LEPR: variants seen among roughly 807,000 people sequenced by gnomAD.
LEPR encodes OB receptor.
A neutral mutation model predicts 114.7 loss-of-function variants in LEPR; 56 were observed. The ratio of observed to expected loss-of-function variants is 0.49; its 90% CI spans 0.39 to 0.61. The LOEUF (loss-of-function observed/expected upper bound fraction) is 0.61, where lower values mean the gene tolerates loss of function less well. Among genes scored for constraint, LEPR ranks in the 20% least tolerant of loss-of-function variants. LEPR has a pLI of 0.00. For synonymous variants in LEPR, 443 were observed against 461.4 expected, an observed-to-expected ratio of 0.96 and a Z score of 0.51; for missense variants, 1,202 against 1,352.9, an observed-to-expected ratio of 0.89 and a Z score of 1.75.
intron 2 of LEPR, among the ~76,000 whole-genome samples, chr1:65,513,207 T>C (rs1379859175): frequency 6.6e-6 from 1 of 152,226 alleles, no homozygotes; most frequent in Non-Finnish European, 1.5e-5. Flanking sequence ...GCCAGCATGC[T>C]GTAACTGGTA....
chr1:65,531,791 T>G (rs1051346379), intron 2 of LEPR, among the ~76,000 whole-genome samples: 5 of 152,162 alleles, frequency 3.3e-5, no homozygotes, highest in African/African-American at 1.2e-4. Flanking sequence ...ACCCATCACT[T>G]CTTCCTTCCT....
intron 5 of LEPR, among the ~76,000 whole-genome samples, chr1:65,578,019 C>T (rs1031892290): frequency 2.0e-5 from 3 of 151,134 alleles, no homozygotes; most frequent in African/African-American, 7.4e-5. Flanking sequence ...TCCATGTGTT[C>T]TCATTGTTCA....
At chr1:65,433,806 A>G (rs1646520799) in intron 2 of LEPR, 2 of 974,614 alleles carry the variant, frequency 2.1e-6, no homozygotes, top group Non-Finnish European at 2.4e-6. Context: ...TAACTTTAAA[A>G]GTTTAACTTT....
intron 3 of LEPR, among the ~76,000 whole-genome samples, chr1:65,567,754 A>G (rs1394558545): frequency 2.6e-5 from 4 of 152,144 alleles, no homozygotes; most frequent in Non-Finnish European, 2.9e-5. Context: ...AAAAGCCTTT[A>G]TTTTTTAGAG....
At chr1:65,524,939 T>C (rs2100591541) in intron 2 of LEPR, among the ~76,000 whole-genome samples, 1 of 152,260 alleles carries the variant, frequency 6.6e-6, no homozygotes, top group East Asian at 1.9e-4. Flanking sequence ...CCGGAAAATG[T>C]CTATTTACTT....
intron 19 of LEPR, among the ~76,000 whole-genome samples, chr1:65,627,844 CAAGT>C (rs1336214144): frequency 6.6e-6 from 1 of 152,078 alleles, no homozygotes; most frequent in Non-Finnish European, 1.5e-5. Context: ...ATTTCTATAT[CAAGT>C]GTTTCCTTTA....
chr1:65,596,769 A>G (rs1437811717), intron 7 of LEPR, among the ~76,000 whole-genome samples, 176 bp downstream of exon 7: 2 of 152,172 alleles, frequency 1.3e-5, no homozygotes, highest in Non-Finnish European at 1.5e-5. Context: ...GTATGTATAT[A>G]TATGGCTATA....
intron 15 of LEPR, among the ~76,000 whole-genome samples, chr1:65,616,557 A>G (rs1333381782): frequency 1.3e-5 from 2 of 152,040 alleles, no homozygotes; most frequent in African/African-American, 4.8e-5. Context: ...ACATGTATAT[A>G]TTTATATTCA....
Position 65,598,823 on chromosome 1 carries a change from A to G in LEPR, c.994+19A>G, listed in dbSNP as rs1275684820. On this transcript the variant is annotated intron_variant, in intron 8 of 19. Coordinates refer to ENST00000349533, the MANE Select transcript of LEPR (RefSeq NM_002303.6). ...ACACAAGGTAGGTTATGTAATAGCC[A>G]CTTCTACTGGGAGGGAAATATATTT... 15 of 1,612,934 alleles carry G rather than the reference A, an allele frequency of 9.3e-6. No individual in the cohort carries two copies. The highest frequency in any genetic ancestry group is 1.3e-5 in the Non-Finnish European group (15 of 1,179,208).
intron 2 of LEPR, among the ~76,000 whole-genome samples, chr1:65,547,210 A>C (rs968955653): frequency 2.0e-5 from 3 of 152,068 alleles, no homozygotes; most frequent in African/African-American, 7.3e-5. Flanking sequence ...TCGGTTTGCC[A>C]GTATTTTATT....
intron 2 of LEPR, among the ~76,000 whole-genome samples, chr1:65,483,309 A>T (rs767878925): frequency 6.6e-6 from 1 of 151,998 alleles, no homozygotes; most frequent in Non-Finnish European, 1.5e-5. Flanking sequence ...CAAACTCCTT[A>T]GTAATCTTGG....
At chr1:65,440,372 T>G (rs1224423514) in intron 2 of LEPR, among the ~76,000 whole-genome samples, 2 of 151,640 alleles carry the variant, frequency 1.3e-5, no homozygotes, top group Non-Finnish European at 2.9e-5. Flanking sequence ...TTTTTTTTTT[T>G]GGTAGGGAAG....
intron 1 of LEPR, among the ~76,000 whole-genome samples, chr1:65,422,199 G>A (rs1418036600): frequency 6.6e-6 from 1 of 152,166 alleles, no homozygotes; most frequent in Admixed American, 6.5e-5. Flanking sequence ...GGTTTAAGGT[G>A]GGCCCTAATC....
chr1:65,494,911 A>G (rs982790237), intron 2 of LEPR, among the ~76,000 whole-genome samples: 7 of 152,172 alleles, frequency 4.6e-5, no homozygotes, highest in Non-Finnish European at 1.0e-4. Context: ...AATTATCTCA[A>G]AATGAGTCAA....
At chr1:65,450,704 CT>C (rs1646772966) in intron 2 of LEPR, among the ~76,000 whole-genome samples, 1 of 140,606 alleles carries the variant, frequency 7.1e-6, no homozygotes, top group South Asian at 2.4e-4. Context: ...GGTTCCAAGT[CT>C]TTGCTATTGT....
chr1:65,571,803 A>T (rs28756877), intron 4 of LEPR, among the ~76,000 whole-genome samples: 1 of 147,778 alleles, frequency 6.8e-6, no homozygotes. Context: ...AAAAAAAAAA[A>T]AAAAAAAAAA....
At chr1:65,508,064 G>A (rs572535976) in intron 2 of LEPR, among the ~76,000 whole-genome samples, 8 of 152,102 alleles carry the variant, frequency 5.3e-5, no homozygotes, top group Admixed American at 5.2e-4. Flanking sequence ...TGAGTAGTTT[G>A]AGTTTCTTGT....
intron 5 of LEPR, among the ~76,000 whole-genome samples, chr1:65,592,248 A>ATTTTTTTTT (rs58700529): frequency 1.7e-5 from 2 of 117,774 alleles, no homozygotes; most frequent in Admixed American, 8.9e-5. Context: ...ATCTGCTGTC[A>ATTTTTTTTT]TTTTTTTTTT....
At chr1:65,515,147 A>G (rs1305874035) in intron 2 of LEPR, among the ~76,000 whole-genome samples, 1 of 152,324 alleles carries the variant, frequency 6.6e-6, no homozygotes, top group South Asian at 2.1e-4. Context: ...GAATGAAGGA[A>G]TAACATTCAG....
Sources: allele counts gnomAD v4.1 joint callset (sites outside exome capture counted in the v4.1 genomes callset), GRCh38; gene constraint gnomAD v4.1.1; transcripts MANE v1.5; gene names NCBI Gene and HGNC (gene_info 2026-07-23, HGNC 2026-07-21).